CLSTN2: variants seen among roughly 807,000 people sequenced by gnomAD.
CLSTN2 encodes the protein calsyntenin 2, also known as calsyntenin-2.
A neutral mutation model predicts 101.2 loss-of-function variants in CLSTN2; 48 were observed. That is an observed-to-expected ratio of 0.47 (90% CI 0.38 to 0.60). The LOEUF is 0.60. CLSTN2 is among the 20% of genes least tolerant of loss of function. CLSTN2 has a pLI of 0.00. For missense variants in CLSTN2, 1,160 were observed against 1,238.2 expected, an observed-to-expected ratio of 0.94 and a Z score of 0.95; for synonymous variants, 481 against 463.6, an observed-to-expected ratio of 1.04 and a Z score of -0.48.
intron 2 of CLSTN2, among the ~76,000 whole-genome samples, chr3:140,255,697 C>G (rs984635886): frequency 1.2e-4 from 18 of 152,084 alleles, no homozygotes; most frequent in African/African-American, 4.1e-4. Context: ...CACCAAACCC[C>G]CATGACCATG....
intron 1 of CLSTN2, among the ~76,000 whole-genome samples, chr3:140,068,041 G>A (rs1216506715): frequency 1.3e-5 from 2 of 152,194 alleles, no homozygotes; most frequent in South Asian, 2.1e-4. Context: ...TCCCAAGCCC[G>A]GGGGCAGTGG....
chr3:140,111,127 G>T (rs1269628258), intron 1 of CLSTN2, among the ~76,000 whole-genome samples: 1 of 152,118 alleles, frequency 6.6e-6, no homozygotes, highest in Non-Finnish European at 1.5e-5. Flanking sequence ...ATTCCAAGGG[G>T]GCCAGTGATT....
intron 4 of CLSTN2, among the ~76,000 whole-genome samples, chr3:140,419,455 C>T (rs1390502380): frequency 7.8e-6 from 1 of 128,844 alleles, no homozygotes; most frequent in African/African-American, 3.3e-5. Flanking sequence ...TGAACTCCAG[C>T]CTGGGTGACA....
intron 1 of CLSTN2, among the ~76,000 whole-genome samples, chr3:140,016,152 G>C (rs1235596346): frequency 6.6e-6 from 1 of 152,192 alleles, no homozygotes; most frequent in Admixed American, 6.5e-5. Context: ...GTGGGTGGGA[G>C]ATGAAAGCTT....
chr3:140,186,409 C>A (rs1285875990), intron 2 of CLSTN2, among the ~76,000 whole-genome samples: 1 of 152,178 alleles, frequency 6.6e-6, no homozygotes, highest in African/African-American at 2.4e-5. Flanking sequence ...AATTTGGGGC[C>A]TCTGAAAGTC....
intron 2 of CLSTN2, among the ~76,000 whole-genome samples, chr3:140,365,018 C>T (rs116457508): frequency 0.012 from 1,788 of 152,202 alleles, 42 homozygotes; most frequent in African/African-American, 0.042. Flanking sequence ...AGATCTTAAT[C>T]CAACATGAAG....
chr3:140,477,174 G>T (rs1191008231), intron 8 of CLSTN2, among the ~76,000 whole-genome samples: 1 of 152,164 alleles, frequency 6.6e-6, no homozygotes, highest in Non-Finnish European at 1.5e-5. Context: ...TGAGTCATTT[G>T]TTTCCATCCT....
intron 5 of CLSTN2, among the ~76,000 whole-genome samples, chr3:140,439,345 C>T (rs755015946): frequency 2.6e-5 from 4 of 152,244 alleles, no homozygotes; most frequent in Non-Finnish European, 5.9e-5. Context: ...GGGCTGCCTG[C>T]AGTTTCCCAG....
chr3:140,026,620 G>A (rs866504101), intron 1 of CLSTN2, among the ~76,000 whole-genome samples: 2 of 152,180 alleles, frequency 1.3e-5, no homozygotes, highest in Non-Finnish European at 2.9e-5. Flanking sequence ...AGAAGTTCCC[G>A]CCCCTCAGGG....
At chr3:140,131,344 G>C (rs2009520700) in intron 1 of CLSTN2, among the ~76,000 whole-genome samples, 1 of 151,270 alleles carries the variant, frequency 6.6e-6, no homozygotes, top group Admixed American at 6.6e-5. Flanking sequence ...GTCATTTTTT[G>C]GCTCAGCAAA....
chr3:140,000,377 G>A (rs371433964), intron 1 of CLSTN2, among the ~76,000 whole-genome samples: 2 of 152,186 alleles, frequency 1.3e-5, no homozygotes, highest in South Asian at 2.1e-4. Flanking sequence ...CATGTGAAAT[G>A]TGAAGACCAG....
At chr3:140,210,016 A>G (rs991725417) in intron 2 of CLSTN2, among the ~76,000 whole-genome samples, 1 of 152,196 alleles carries the variant, frequency 6.6e-6, no homozygotes, top group African/African-American at 2.4e-5. Context: ...ACAGTGTTGG[A>G]CCAGACAGAA....
At chr3:140,419,492 A>T (rs1249277395) in intron 4 of CLSTN2, among the ~76,000 whole-genome samples, 2 of 70,088 alleles carry the variant, frequency 2.9e-5, no homozygotes, top group Admixed American at 1.2e-4. Flanking sequence ...CAAAAAAAAA[A>T]AAATATATAT....
intron 1 of CLSTN2, among the ~76,000 whole-genome samples, chr3:140,160,607 G>A (rs913988745): frequency 2.0e-5 from 3 of 151,652 alleles, no homozygotes; most frequent in African/African-American, 4.9e-5. Flanking sequence ...TTTATCTACA[G>A]TGTCTATTCA....
intron 1 of CLSTN2, among the ~76,000 whole-genome samples, chr3:140,051,014 G>C (rs55678973): frequency 2.0e-5 from 3 of 152,168 alleles, no homozygotes; most frequent in Non-Finnish European, 2.9e-5. Flanking sequence ...GGGCACATTT[G>C]GGGGCTGTCC....
chr3:139,985,286 C>T (rs540587989), intron 1 of CLSTN2, among the ~76,000 whole-genome samples: 4 of 152,192 alleles, frequency 2.6e-5, no homozygotes, highest in Non-Finnish European at 5.9e-5. Flanking sequence ...GGGGGTGGAC[C>T]GAGTCTAGTA....
chr3:140,515,815 C>T (rs1934906956), intron 8 of CLSTN2, among the ~76,000 whole-genome samples: 2 of 151,792 alleles, frequency 1.3e-5, no homozygotes, highest in Admixed American at 1.3e-4. Context: ...GTTCCATGTG[C>T]CGATGAGTAG....
rs1016471188 is a variant in CLSTN2, at chr3:140,413,933, C to G, written c.638-7192C>G. Among the ~76,000 whole-genome samples, 3 of 152,228 alleles carry G rather than the reference C, an allele frequency of 2.0e-5. No individual in the cohort carries two copies. The East Asian group carries it at 5.8e-4, about 29-fold the overall frequency. ...AAGACTGTATATTACAAGGCCACAG[C>G]AAACATCATACTCCACGGTGAAAAG... On this transcript the variant is annotated intron_variant, in intron 4 of 16. Coordinates refer to ENST00000458420, the MANE Select transcript of CLSTN2 (RefSeq NM_022131.3).
chr3:140,415,901 C>T (rs1049217542), intron 4 of CLSTN2, among the ~76,000 whole-genome samples: 3 of 152,134 alleles, frequency 2.0e-5, no homozygotes, highest in Non-Finnish European at 2.9e-5. Context: ...TAGTTGCACT[C>T]CCATATTTAT....
Sources: allele counts gnomAD v4.1 joint callset (sites outside exome capture counted in the v4.1 genomes callset), GRCh38; gene constraint gnomAD v4.1.1; transcripts MANE v1.5; gene names NCBI Gene and HGNC (gene_info 2026-07-23, HGNC 2026-07-21).